The following COPG2 variants were observed in gnomAD, a reference collection of about 807,000 sequenced individuals.
The protein encoded by COPG2 is coatomer subunit gamma-2.
A neutral mutation model predicts 46.3 loss-of-function variants in COPG2; 37 were observed. The ratio of observed to expected loss-of-function variants is 0.80; its 90% confidence interval spans 0.61 to 1.05. The LOEUF is 1.05. Among genes scored for constraint, COPG2 ranks in the 50% least tolerant of loss-of-function variants. COPG2 has a pLI of 0.00. For synonymous variants in COPG2, 159 were observed against 129.7 expected (o/e 1.23, Z -1.53); for missense variants, 427 against 387.8 (o/e 1.10, Z -0.85).
intron 4 of COPG2, among the ~76,000 whole-genome samples, chr7:130,660,884 A>G (rs1795963777): frequency 6.6e-6 from 1 of 152,186 alleles, no homozygotes; most frequent in Non-Finnish European, 1.5e-5. Context: ...TGTCCCTGTC[A>G]GCCCGTTCTT....
At chr7:130,547,933 T>C in intron 19 of COPG2, 88 bp from the exon 20 acceptor site, 4 of 398,090 alleles carry the variant, frequency 1.0e-5, no homozygotes, top group Non-Finnish European at 1.8e-5. Context: ...GAACCCACTA[T>C]ACCTTCTATC....
At chr7:130,566,785 G>A (rs1793810263) in intron 9 of COPG2, among the ~76,000 whole-genome samples, 1 of 152,156 alleles carries the variant, frequency 6.6e-6, no homozygotes, top group African/African-American at 2.4e-5. Flanking sequence ...CTTTTTCCCA[G>A]CAGAATGTGA....
At chr7:130,606,220 T>C (rs1019265697) in intron 9 of COPG2, among the ~76,000 whole-genome samples, 2 of 125,702 alleles carry the variant, frequency 1.6e-5, no homozygotes, top group South Asian at 5.0e-4. Flanking sequence ...AGCAAGACTT[T>C]AAAATAAATA....
intron 20 of COPG2, among the ~76,000 whole-genome samples, chr7:130,544,358 C>T (rs1793393066): frequency 6.6e-6 from 1 of 151,906 alleles, no homozygotes; most frequent in South Asian, 2.1e-4. Context: ...GGCAGAAAGT[C>T]AAGAAATTAA....
intron 14 of COPG2, among the ~76,000 whole-genome samples, 173 bp from the exon 15 acceptor site, chr7:130,552,603 T>A (rs1173056127): frequency 1.3e-5 from 2 of 152,184 alleles, no homozygotes; most frequent in Non-Finnish European, 2.9e-5. Context: ...TAAATAGAAT[T>A]CTGCAAGCCC....
At chr7:130,633,974 G>A (rs531695559) in intron 5 of COPG2, among the ~76,000 whole-genome samples, 2 of 152,270 alleles carry the variant, frequency 1.3e-5, no homozygotes, top group African/African-American at 4.8e-5. Context: ...TATTAAATAG[G>A]GAATCCTTTC....
chr7:130,622,998 C>A (rs1795063430), intron 5 of COPG2, among the ~76,000 whole-genome samples: 2 of 152,200 alleles, frequency 1.3e-5, no homozygotes, highest in Admixed American at 1.3e-4. Flanking sequence ...CTTACCTTCA[C>A]TAGAATGAAG....
chr7:130,608,951 C>G (rs1794787811), intron 9 of COPG2, among the ~76,000 whole-genome samples: 2 of 152,004 alleles, frequency 1.3e-5, no homozygotes, highest in Admixed American at 1.3e-4. Flanking sequence ...TCACTGTAAC[C>G]TCTGCCTCCC....
Position 130,617,001 on chromosome 7 carries a change from T to C in COPG2, c.388A>G (p.Arg130Gly), listed in dbSNP as rs2116514367. 8.1e-6 allele frequency: 13 copies of C among 1,609,464 alleles called. No homozygotes were observed. Among genetic ancestry groups the C allele is most frequent in the East Asian group, 6.7e-5 (3 of 44,764 alleles). Residue 130 changes from arginine (R) to glycine (G), a missense_variant, in exon 6 of 24, where the codon AGG becomes GGG. By Grantham distance (125) the Arg-to-Gly change is moderately radical (BLOSUM62 -2). Transcript: ENST00000425248. ...YRGPAIRALC[R>G]ITDGTMLQAI... is the part of the protein sequence containing the mutation. Reference sequence around the variant, plus strand: ...AACAGATAACTTACATCGGTGATCCTGCAGAGAGCTCTGATGGCCGGGCCT... The same window carrying C: ...AACAGATAACTTACATCGGTGATCCCGCAGAGAGCTCTGATGGCCGGGCCT...
chr7:130,536,389 C>T (rs1035540306), intron 20 of COPG2, among the ~76,000 whole-genome samples: 8 of 152,046 alleles, frequency 5.3e-5, no homozygotes, highest in African/African-American at 1.7e-4. Context: ...GGGTTTCACC[C>T]GAGGGAGGGC....
At chr7:130,662,830 T>G in intron 4 of COPG2, 137 bp downstream of exon 4, 1 of 642,228 alleles carries the variant, frequency 1.6e-6, no homozygotes, top group East Asian at 2.8e-5. Context: ...TTATAATGAA[T>G]ATTTATAAGT....
At chr7:130,521,008 G>A (rs991715610) in intron 20 of COPG2, among the ~76,000 whole-genome samples, 3 of 152,116 alleles carry the variant, frequency 2.0e-5, no homozygotes, top group Non-Finnish European at 2.9e-5. Flanking sequence ...TTATCATAGT[G>A]TTTTAGTGAT....
At chr7:130,554,232 C>T (rs1220908228) in intron 14 of COPG2, among the ~76,000 whole-genome samples, 3 of 152,068 alleles carry the variant, frequency 2.0e-5, no homozygotes, top group Non-Finnish European at 2.9e-5. Flanking sequence ...TTCATGCTTA[C>T]GGCTATAACT....
At position 130,506,490 on chromosome 7, in the gene COPG2, A is replaced by G. The variant is rs1274427724; in HGVS notation, c.*186T>C. On this transcript the variant is annotated 3_prime_UTR_variant, in exon 24 of 24. Coordinates refer to ENST00000425248, the MANE Select transcript of COPG2 (RefSeq NM_012133.6). ...CTGACCAAGTAGAATAAAAAGAAAA[A>G]AAAAAAAAAACAACCCATGCGCAAA... 2 of 434,286 alleles carry G rather than the reference A, an allele frequency of 4.6e-6. No individual in the cohort carries two copies. The highest frequency in any genetic ancestry group is 8.2e-6 in the Non-Finnish European group (2 of 243,660). The allele number at this position is 434,286 out of a possible 1,614,324, so 26.9% of individuals were successfully genotyped here.
chr7:130,554,396 GCAA>G (rs1303717252), intron 14 of COPG2, 82 bp downstream of exon 14: 27 of 397,148 alleles, frequency 6.8e-5, no homozygotes, highest in African/African-American at 4.9e-4. Context: ...AATAAATCCT[GCAA>G]CTTCATTTTC....
chr7:130,591,017 C>T (rs587611201), intron 9 of COPG2, among the ~76,000 whole-genome samples: 46 of 151,214 alleles, frequency 3.0e-4, no homozygotes, highest in African/African-American at 9.7e-4. Context: ...CGTCTCTGCC[C>T]GGCAGCCACC....
intron 9 of COPG2, among the ~76,000 whole-genome samples, chr7:130,573,468 T>C (rs1793945687): frequency 6.6e-6 from 1 of 152,016 alleles, no homozygotes; most frequent in Admixed American, 6.6e-5. Flanking sequence ...CTGAATCCAG[T>C]AATATGTAAA....
At chr7:130,556,503 A>T (rs1313586609) in intron 12 of COPG2, among the ~76,000 whole-genome samples, 1 of 152,216 alleles carries the variant, frequency 6.6e-6, no homozygotes, top group Non-Finnish European at 1.5e-5. Context: ...ACAGTTTCAG[A>T]GCATAGAAAA....
intron 9 of COPG2, among the ~76,000 whole-genome samples, chr7:130,584,655 T>C (rs1326150697): frequency 6.6e-6 from 1 of 152,024 alleles, no homozygotes; most frequent in East Asian, 1.9e-4. Flanking sequence ...AGCTCTTCTA[T>C]ACACCAATAG....
Sources: gnomAD v4.1 joint callset for allele counts (sites outside exome capture counted in the v4.1 genomes callset) on GRCh38, gnomAD v4.1.1 for gene constraint, MANE v1.5 for transcripts, NCBI Gene and HGNC (gene_info 2026-07-23, HGNC 2026-07-21) for gene names.